RORC: variants seen among roughly 807,000 people sequenced by gnomAD.
RORC encodes the protein nuclear receptor ROR-gamma.
A neutral mutation model predicts 64.5 loss-of-function variants in RORC; 13 were observed. The observed-to-expected ratio is 0.20, with a 90% CI of 0.13 to 0.32. The LOEUF is 0.32. Ranked by LOEUF, RORC falls within the 10% of genes least tolerant of loss-of-function variation. The pLI is 1.00. For missense variants in RORC, 468 were observed against 669.5 expected, an observed-to-expected ratio of 0.70 and a Z score of 3.32; for synonymous variants, 277 against 259.3, an observed-to-expected ratio of 1.07 and a Z score of -0.65.
chr1:151,811,884 C>T (rs1308993598), intron 9 of RORC: 1 of 152,552 alleles, frequency 6.6e-6, no homozygotes, highest in African/African-American at 2.4e-5. Context: ...TATAAAATAT[C>T]CAGAAGTCAT....
intron 2 of RORC, among the ~76,000 whole-genome samples, chr1:151,820,658 T>A (rs1410155568): frequency 6.6e-6 from 1 of 152,140 alleles, no homozygotes; most frequent in Non-Finnish European, 1.5e-5. Flanking sequence ...CAATTCCACA[T>A]CTTCCAAAAG....
At chr1:151,808,451 G>A (rs1478631370) in intron 10 of RORC, among the ~76,000 whole-genome samples, 5 of 152,172 alleles carry the variant, frequency 3.3e-5, no homozygotes, top group Non-Finnish European at 7.3e-5. Flanking sequence ...AATGTCTCTT[G>A]CCTGCCATTG....
At position 151,807,939 on chromosome 1, in the gene RORC, T is replaced by C. The variant is rs868409864; in HGVS notation, c.1396-306A>G. 6.6e-6 allele frequency among the ~76,000 whole-genome samples: 1 copy of C among 152,244 alleles called. No homozygotes were observed. The highest frequency in any genetic ancestry group is 1.5e-5 in the Non-Finnish European group (1 of 68,042). ...GCACTTCCTGCTTTTATAAGAGTGA[T>C]TGTCTGTGACTCTTGTTGTATGCTG... On this transcript the variant is annotated intron_variant, in intron 10 of 10. Coordinates refer to ENST00000318247, the MANE Select transcript of RORC (RefSeq NM_005060.4). This position sits in a 1 kb window ranked among gnomAD's most constrained non-coding sequence, Gnocchi z 5.0.
chr1:151,827,540 G>A (rs1253016111), intron 2 of RORC, among the ~76,000 whole-genome samples: 1 of 152,054 alleles, frequency 6.6e-6, no homozygotes, highest in Non-Finnish European at 1.5e-5. Flanking sequence ...CCCCATCTTG[G>A]ACCCCCATCT....
In RORC at chr1:151,811,362, T is replaced by C. The variant is rs200283675; in HGVS notation, c.1358A>G (p.His453Arg). ...QYNLELAFHH[H>R]LCKTHRQSIL... is the part of the protein sequence containing the mutation. Reference sequence around the variant, plus strand: ...GCTTTGGCGATGAGTCTTGCAGAGATGATGATGAAAGGCCAGCTCCAGATT... The same window carrying C: ...GCTTTGGCGATGAGTCTTGCAGAGACGATGATGAAAGGCCAGCTCCAGATT... Residue 453 changes from histidine (H) to arginine (R), a missense_variant, in exon 10 of 11, where the codon CAT becomes CGT. Physicochemically the swap from His to Arg is conservative, Grantham distance 29. Coordinates refer to ENST00000318247, the MANE Select transcript of RORC (RefSeq NM_005060.4). 6.2e-7 allele frequency: 1 copy of C among 1,613,926 alleles called. No homozygotes were observed. The highest frequency in any genetic ancestry group is 1.3e-5 in the African/African-American group (1 of 75,026).
chr1:151,808,393 A>G (rs1651395778), intron 10 of RORC, among the ~76,000 whole-genome samples: 1 of 152,234 alleles, frequency 6.6e-6, no homozygotes, highest in Admixed American at 6.5e-5. Context: ...GCAAGGCTGA[A>G]AGAACAATTT....
chr1:151,821,870 T>G (rs1652004827), intron 2 of RORC, among the ~76,000 whole-genome samples: 1 of 152,036 alleles, frequency 6.6e-6, no homozygotes, highest in Admixed American at 6.6e-5. Flanking sequence ...TGTATAAAGA[T>G]CCCAAGAGAT....
chr1:151,813,039 C>T lies in RORC; in HGVS notation c.1193G>A (p.Ser398Asn). 4 of 1,613,740 alleles carry T rather than the reference C, an allele frequency of 2.5e-6. No individual in the cohort carries two copies. Among genetic ancestry groups the T allele is most frequent in the Non-Finnish European group, 3.4e-6 (4 of 1,179,652 alleles). ...GGAGTGGGAGAAGTCAAAGATGGAGCTGATGAGCTCGCTGCAGCCTGATGG... is the reference window on the plus strand; with the variant it reads ...GGAGTGGGAGAAGTCAAAGATGGAGTTGATGAGCTCGCTGCAGCCTGATGG... ...FRALGCSELI[S>N]SIFDFSHSLS... The change falls in exon 9 of 11, where the codon AGC (serine) becomes AAC (asparagine). Residue 398 changes from serine to asparagine, a missense_variant. Around this residue, in one of 5 missense-constraint regions of RORC, gnomAD observed 100 missense variants for 190.8 expected, o/e 0.52. Coordinates refer to ENST00000318247, the MANE Select transcript of RORC (RefSeq NM_005060.4).
chr1:151,814,403 C>CAGAT (rs1302809039), intron 6 of RORC, 171 bp downstream of exon 6: 1 of 650,610 alleles, frequency 1.5e-6, no homozygotes, highest in Non-Finnish European at 2.7e-6. Flanking sequence ...GGGGTGTAGA[C>CAGAT]AGATACACAC....
At chr1:151,823,256 A>T (rs1652061970) in intron 2 of RORC, among the ~76,000 whole-genome samples, 1 of 152,056 alleles carries the variant, frequency 6.6e-6, no homozygotes, top group South Asian at 2.1e-4. Flanking sequence ...CAAACCTAAG[A>T]AAGATCAGCT....
chr1:151,831,085 G>A, intron 1 of RORC: 3 of 1,288,962 alleles, frequency 2.3e-6, no homozygotes, highest in Non-Finnish European at 2.0e-6. Flanking sequence ...GCCAAGGACG[G>A]CCTGACATTC....
intron 1 of RORC, 78 bp from the exon 2 acceptor site, chr1:151,829,536 T>C (rs1558171910): frequency 7.7e-7 from 1 of 1,294,780 alleles, no homozygotes; most frequent in Non-Finnish European, 1.0e-6. Context: ...ACTCCTAGGA[T>C]CCCACTGCCG....
At chr1:151,826,715 T>C (rs1291100376) in intron 2 of RORC, among the ~76,000 whole-genome samples, 1 of 152,232 alleles carries the variant, frequency 6.6e-6, no homozygotes, top group Non-Finnish European at 1.5e-5. Context: ...GGAGTGTAGA[T>C]AATGATCATC....
At chr1:151,811,809 C>G (rs1385702885) in intron 9 of RORC, 2 of 157,844 alleles carry the variant, frequency 1.3e-5, no homozygotes, top group Non-Finnish European at 2.8e-5. Context: ...GGTGGCCTTC[C>G]TGAAGGTGCC....
chr1:151,825,035 TCTGGCTTCC>T (rs1427757080), intron 2 of RORC, among the ~76,000 whole-genome samples: 2 of 149,984 alleles, frequency 1.3e-5, no homozygotes, highest in Non-Finnish European at 3.0e-5. Context: ...TGAGAGCTTC[TCTGGCTTCC>T]CTGGCTTCCC....
intron 2 of RORC, among the ~76,000 whole-genome samples, chr1:151,822,240 C>A (rs113841271): frequency 0.011 from 1,703 of 152,052 alleles, 33 homozygotes; most frequent in African/African-American, 0.035. Context: ...GCTCTCAGTT[C>A]CCCCAGCTTC....
At chr1:151,831,131 C>G (rs760159027) in intron 1 of RORC, 5 of 1,279,926 alleles carry the variant, frequency 3.9e-6, no homozygotes. Flanking sequence ...GCCCCACATT[C>G]TCTGCAGAGA....
chr1:151,814,401 G>C, intron 6 of RORC, 173 bp downstream of exon 6: 1 of 646,978 alleles, frequency 1.5e-6, no homozygotes, highest in South Asian at 2.0e-5. Flanking sequence ...CTGGGGTGTA[G>C]ACAGATACAC....
intron 2 of RORC, among the ~76,000 whole-genome samples, chr1:151,822,783 A>G (rs1652043445): frequency 6.6e-6 from 1 of 152,212 alleles, no homozygotes; most frequent in South Asian, 2.1e-4. Flanking sequence ...CCCCCGAAAT[A>G]GACATCTCCA....
Sources: gnomAD v4.1 joint callset for allele counts (sites outside exome capture counted in the v4.1 genomes callset) on GRCh38, gnomAD v4.1.1 for gene constraint, gnomAD v4.1.1 regional missense constraint, Gnocchi (gnomAD v3.1) non-coding constraint, MANE v1.5 for transcripts, NCBI Gene and HGNC (gene_info 2026-07-23, HGNC 2026-07-21) for gene names.